BACH2: variants seen among roughly 807,000 people sequenced by gnomAD.
BACH2 encodes transcription regulator protein BACH2.
Under a neutral mutation model 61.8 loss-of-function variants are expected in BACH2, and 5 were observed. That is an observed-to-expected ratio of 0.08 (90% CI 0.04 to 0.17). The LOEUF is 0.17. Ranked by LOEUF, BACH2 falls within the 10% of genes least tolerant of loss-of-function variation. The probability of loss-of-function intolerance (pLI) is 1.00; values close to 1 mark genes in which losing one functional copy is unlikely to be tolerated. For missense variants in BACH2, 824 were observed against 1,091.1 expected (o/e 0.76, Z 3.45); for synonymous variants, 446 against 440.1 (o/e 1.01, Z -0.17).
chr6:90,037,849 A>G (rs1029007443), intron 5 of BACH2, among the ~76,000 whole-genome samples: 4 of 152,232 alleles, frequency 2.6e-5, no homozygotes, highest in Non-Finnish European at 2.9e-5. Context: ...TCCTTTTAAA[A>G]TGAACTCCAT....
At chr6:90,258,620 T>C (rs762446813) in intron 2 of BACH2, among the ~76,000 whole-genome samples, 3 of 152,370 alleles carry the variant, frequency 2.0e-5, no homozygotes, top group African/African-American at 4.8e-5. Flanking sequence ...GGAATTTTGA[T>C]AGAGATTGCA....
At position 89,932,294 on chromosome 6, in the gene BACH2, T is replaced by C; in HGVS notation, c.*114A>G. The C allele has an allele frequency of 7.3e-7, 1 of 1,372,352 alleles. No homozygotes were observed. The highest frequency in any genetic ancestry group is 1.0e-6 in the Non-Finnish European group (1 of 997,760). 85.0% of individuals were successfully genotyped at this position (1,372,352 alleles called of 1,614,324 possible). A position where few individuals can be genotyped will look rare whatever the true frequency, so the allele number is the denominator to read the frequency against. On this transcript the variant is annotated 3_prime_UTR_variant, in exon 9 of 9. Coordinates refer to ENST00000257749, the MANE Select transcript of BACH2 (RefSeq NM_021813.4). The stretch of plus-strand genomic sequence containing the variant: ...AGTATTGCTGCTAAGACCGCTGTAG[T>C]GTGCACCAAATGTGTTCTCGGTTTC...
In BACH2 at chr6:90,176,718, C is replaced by CAGG. The variant is rs566845963; in HGVS notation, c.-162+29850_-162+29851insCCT. Among the ~76,000 whole-genome samples, 509 of 152,278 alleles carry CAGG rather than the reference C, an allele frequency of 3.3e-3. 2 individuals carry two copies. The highest frequency in any genetic ancestry group is 0.012 in the South Asian group (56 of 4,822). ...ATCACTTCCAAATCAGTTTTGGTGA[C>CAGG]AGAGTCCAATTGCCCAAACCAGATG... is the stretch of plus-strand genomic sequence containing the variant. On this transcript the variant is annotated intron_variant, in intron 4 of 8. Transcript: ENST00000257749.
intron 4 of BACH2, among the ~76,000 whole-genome samples, chr6:90,103,633 G>A (rs942207379): frequency 6.6e-6 from 1 of 152,104 alleles, no homozygotes; most frequent in African/African-American, 2.4e-5. Context: ...GACTGCTCTG[G>A]GTGATGCTTT....
intron 4 of BACH2, among the ~76,000 whole-genome samples, chr6:90,142,632 T>C (rs896235213): frequency 6.6e-6 from 1 of 152,160 alleles, no homozygotes; most frequent in Non-Finnish European, 1.5e-5. Context: ...AGGATAATGT[T>C]TGGCCAAACA....
At chr6:90,247,562 C>T (rs1447099281) in intron 3 of BACH2, among the ~76,000 whole-genome samples, 4 of 152,080 alleles carry the variant, frequency 2.6e-5, no homozygotes, top group African/African-American at 9.7e-5. Flanking sequence ...TACCAAACAG[C>T]AATATTAGTA....
intron 4 of BACH2, among the ~76,000 whole-genome samples, chr6:90,141,506 T>A (rs1243081492): frequency 2.0e-5 from 3 of 148,236 alleles, no homozygotes; most frequent in Non-Finnish European, 3.0e-5. Flanking sequence ...TTTTTTTTTT[T>A]AAACCAATGA....
intron 3 of BACH2, among the ~76,000 whole-genome samples, chr6:90,236,942 T>G (rs1391077446): frequency 1.3e-5 from 2 of 152,278 alleles, no homozygotes; most frequent in South Asian, 2.1e-4. Context: ...TATTTTTTTT[T>G]TGAGAGAGTC....
At chr6:90,182,150 G>T (rs1332833896) in intron 4 of BACH2, among the ~76,000 whole-genome samples, 2 of 152,214 alleles carry the variant, frequency 1.3e-5, no homozygotes, top group African/African-American at 4.8e-5. Flanking sequence ...ACCCTCTGTT[G>T]CACAGATACA....
At chr6:90,125,807 G>A (rs77688913) in intron 4 of BACH2, among the ~76,000 whole-genome samples, 6,445 of 152,276 alleles carry the variant, frequency 0.042, 146 homozygotes, top group Middle Eastern at 0.082. Context: ...CAAGTGGCAG[G>A]GGTCTTCTCA....
At chr6:90,061,705 A>G (rs975198993) in intron 5 of BACH2, among the ~76,000 whole-genome samples, 8 of 151,688 alleles carry the variant, frequency 5.3e-5, no homozygotes, top group African/African-American at 1.7e-4. Flanking sequence ...ATTGAGAAGG[A>G]AAAAAAAATC....
chr6:89,947,621 A>G (rs536129347), intron 7 of BACH2, among the ~76,000 whole-genome samples: 3 of 151,428 alleles, frequency 2.0e-5, no homozygotes, highest in South Asian at 4.2e-4. Context: ...GCAGGAGTGC[A>G]GCGGCGCGAT....
At chr6:90,165,340 A>G in intron 4 of BACH2, among the ~76,000 whole-genome samples, 1 of 152,242 alleles carries the variant, frequency 6.6e-6, no homozygotes, top group Non-Finnish European at 1.5e-5. Flanking sequence ...ATACTCAGGA[A>G]TCCAACATAC....
intron 2 of BACH2, among the ~76,000 whole-genome samples, chr6:90,261,927 T>C (rs1370615238): frequency 6.6e-6 from 1 of 152,196 alleles, no homozygotes; most frequent in East Asian, 1.9e-4. Flanking sequence ...CCACTGCCAC[T>C]GCCCCATGAA....
chr6:90,016,389 T>C (rs1292036446), intron 5 of BACH2, among the ~76,000 whole-genome samples: 1 of 152,210 alleles, frequency 6.6e-6, no homozygotes, highest in Admixed American at 6.5e-5. Context: ...TTCAATTTCA[T>C]TTCAATTATT....
intron 5 of BACH2, among the ~76,000 whole-genome samples, chr6:90,024,564 G>T (rs955260199): frequency 3.9e-5 from 6 of 152,144 alleles, no homozygotes; most frequent in African/African-American, 1.2e-4. Context: ...TAAACTAGGT[G>T]ACTTTTTAGT....
chr6:90,057,616 T>C (rs1253684162), intron 5 of BACH2, among the ~76,000 whole-genome samples: 1 of 152,194 alleles, frequency 6.6e-6, no homozygotes, highest in African/African-American at 2.4e-5. Flanking sequence ...CCTCCCTAAC[T>C]CATTTTATGA....
In BACH2 at chr6:90,065,270, C is replaced by CTTTTTTTTTTTTTTTTTTT. The variant is rs71027920; in HGVS notation, c.-13+23672_-13+23690dup. ...GCCACCCCACCCCCTGCCGCCCCCA[C>CTTTTTTTTTTTTTTTTTTT]TTTTTTTTTTTTTTTTTTTTTTTTT... On this transcript the variant is annotated intron_variant, in intron 5 of 8. Transcript: ENST00000257749. Among the ~76,000 whole-genome samples, 225 of 52,664 alleles carry CTTTTTTTTTTTTTTTTTTT rather than the reference C, an allele frequency of 4.3e-3. 32 individuals are homozygous for CTTTTTTTTTTTTTTTTTTT. The highest frequency in any genetic ancestry group is 5.4e-3 in the Non-Finnish European group (160 of 29,582). 34.5% of individuals were successfully genotyped at this position (52,664 alleles called of 152,430 possible).
At chr6:90,296,164 C>G (rs1772371051) in intron 1 of BACH2, among the ~76,000 whole-genome samples, 2 of 152,130 alleles carry the variant, frequency 1.3e-5, no homozygotes, top group Non-Finnish European at 1.5e-5. Flanking sequence ...TGCTCCTCCT[C>G]CCTCTGCTGT....
Sources: allele counts gnomAD v4.1 joint callset (sites outside exome capture counted in the v4.1 genomes callset), GRCh38; gene constraint gnomAD v4.1.1; transcripts MANE v1.5; gene names NCBI Gene and HGNC (gene_info 2026-07-23, HGNC 2026-07-21).